Variants in GRIA3 observed in about 807,000 individuals in gnomAD.
The protein encoded by GRIA3 is glutamate receptor 3.
In GRIA3, 3 loss-of-function variants were observed where a neutral mutation model predicts 63.0. The ratio of observed to expected loss-of-function variants is 0.05; its 90% confidence interval spans 0.02 to 0.12. The LOEUF (loss-of-function observed/expected upper bound fraction) is 0.12. GRIA3 is among the 10% of genes least tolerant of loss of function. The pLI is 1.00. For missense variants in GRIA3, 347 were observed against 700.9 expected (o/e 0.50, Z 5.70); for synonymous variants, 274 against 257.9 (o/e 1.06, Z -0.60).
At chrX:123,271,702 T>C (rs1474810116) in intron 3 of GRIA3, among the ~76,000 whole-genome samples, 1 of 112,269 alleles carries the variant, frequency 8.9e-6, no homozygotes, top group Non-Finnish European at 1.9e-5. Context: ...TCATTTCCTT[T>C]AGTCGTCACA....
intron 3 of GRIA3, among the ~76,000 whole-genome samples, chrX:123,311,066 A>G (rs918599670): frequency 6.7e-4 from 75 of 111,166 alleles, no homozygotes; most frequent in African/African-American, 2.1e-3. Flanking sequence ...CTATTTATAC[A>G]ATCCTTATGG....
At chrX:123,191,932 C>T (rs771513313) in intron 2 of GRIA3, among the ~76,000 whole-genome samples, 8 of 111,406 alleles carry the variant, frequency 7.2e-5, no homozygotes, top group Admixed American at 3.8e-4. Flanking sequence ...GGGAAACATA[C>T]TGCCTCAATT....
intron 10 of GRIA3, among the ~76,000 whole-genome samples, chrX:123,416,852 A>G (rs2045539066): frequency 8.9e-6 from 1 of 112,636 alleles, no homozygotes; most frequent in African/African-American, 3.2e-5. Flanking sequence ...TCTGCCTTCA[A>G]AAAACCTGTT....
At chrX:123,483,714 C>T (rs1343727867) in intron 15 of GRIA3, among the ~76,000 whole-genome samples, 4 of 112,071 alleles carry the variant, frequency 3.6e-5, no homozygotes, top group Admixed American at 9.4e-5. Context: ...GGGTGGATCA[C>T]GCAGTCAGGA....
chrX:123,411,066 T>C (rs990593635), intron 10 of GRIA3, among the ~76,000 whole-genome samples: 5 of 111,650 alleles, frequency 4.5e-5, no homozygotes, highest in Non-Finnish European at 9.4e-5. Context: ...TCCCATAGAG[T>C]ACTGCCAATA....
chrX:123,198,207 A>G (rs1927625298), intron 2 of GRIA3, among the ~76,000 whole-genome samples: 1 of 112,120 alleles, frequency 8.9e-6, no homozygotes, highest in Non-Finnish European at 1.9e-5. Flanking sequence ...AATATATTAC[A>G]GTCTCTTACA....
In GRIA3 at chrX:123,336,980, T is replaced by C. The variant is rs2044978212; in HGVS notation, c.696+10767T>C. ...ACCTCATTTCTTAAGGGGGAGAAAA[T>C]GAATAAGGAAAGGAATGTGTGGTCA... On this transcript the variant is annotated intron_variant, in intron 4 of 15. Coordinates refer to ENST00000620443, the MANE Select transcript of GRIA3 (RefSeq NM_007325.5). Among the ~76,000 whole-genome samples, 6 of 111,190 alleles carry C rather than the reference T, an allele frequency of 5.4e-5. No homozygotes were observed. The Admixed American group carries it at 5.7e-4, about 11-fold the overall frequency.
chrX:123,329,368 A>G (rs1024978112), intron 4 of GRIA3, among the ~76,000 whole-genome samples: 2 of 112,277 alleles, frequency 1.8e-5, no homozygotes, highest in Middle Eastern at 4.6e-3. Flanking sequence ...AGTGTTATAT[A>G]GCATAACCTC....
chrX:123,244,505 T>G (rs1280387911), intron 2 of GRIA3, among the ~76,000 whole-genome samples: 1 of 112,818 alleles, frequency 8.9e-6, no homozygotes, highest in Non-Finnish European at 1.9e-5. Context: ...TCCACCCTTT[T>G]TAAGTTTCTA....
chrX:123,254,589 C>A (rs1569408391), intron 3 of GRIA3, among the ~76,000 whole-genome samples: 1 of 112,145 alleles, frequency 8.9e-6, no homozygotes, highest in Non-Finnish European at 1.9e-5. Flanking sequence ...TTCTAAGTAA[C>A]TTAACTTGAA....
chrX:123,367,440 G>C, intron 5 of GRIA3, among the ~76,000 whole-genome samples: 1 of 106,455 alleles, frequency 9.4e-6, no homozygotes, highest in South Asian at 4.0e-4. Flanking sequence ...TTTGTTTTTT[G>C]TTTTTTGTTT....
At chrX:123,402,909 G>C (rs1188488460) in intron 7 of GRIA3, 85 bp from the exon 8 acceptor site, 3 of 536,456 alleles carry the variant, frequency 5.6e-6, no homozygotes, top group Non-Finnish European at 1.0e-5. Flanking sequence ...AAGATTCCAA[G>C]ATCTGTCAGC....
chrX:123,441,355 T>C (rs1207175045), intron 12 of GRIA3, among the ~76,000 whole-genome samples: 1 of 111,714 alleles, frequency 9.0e-6, no homozygotes. Context: ...AATTAGTTTC[T>C]GAGAAAGAAA....
At chrX:123,418,051 T>C (rs2045545616) in intron 11 of GRIA3, 1 of 310,346 alleles carries the variant, frequency 3.2e-6, no homozygotes, top group African/African-American at 2.8e-5. Context: ...GCCACTAATA[T>C]TAATATTATT....
chrX:123,463,809 G>A (rs905032715), intron 12 of GRIA3, among the ~76,000 whole-genome samples: 1 of 107,894 alleles, frequency 9.3e-6, no homozygotes, highest in Non-Finnish European at 1.9e-5. Context: ...AAGAAAGAGA[G>A]AGAAAGAAAA....
rs752058204 is a variant in GRIA3 at position 123,365,188 on chromosome X, T to C, written c.750+10225T>C. ...ATCTAATCATTTCACATTGTATATG[T>C]ATATCAAAACATCACATTGTACCCC... On this transcript the variant is annotated intron_variant, in intron 5 of 15. Coordinates refer to ENST00000620443, the MANE Select transcript of GRIA3 (RefSeq NM_007325.5). 7.9e-4 allele frequency among the ~76,000 whole-genome samples: 88 copies of C among 111,924 alleles called. 2 individuals carry two copies. The South Asian group carries it at 0.029, about 37-fold the overall frequency.
intron 7 of GRIA3, 134 bp downstream of exon 7, chrX:123,398,937 G>A: frequency 2.0e-6 from 1 of 495,791 alleles, no homozygotes; most frequent in South Asian, 3.3e-5. Context: ...ATGCAAAGAG[G>A]ATAAGTATAG....
chrX:123,209,996 TGTTTGTTG>T (rs1339969812), intron 2 of GRIA3, among the ~76,000 whole-genome samples: 4 of 110,159 alleles, frequency 3.6e-5, no homozygotes, highest in East Asian at 5.7e-4. Context: ...TTTGTTTGTT[TGTTTGTTG>T]GTTGGTTTGT....
chrX:123,254,534 A>C (rs2044408957), intron 3 of GRIA3, among the ~76,000 whole-genome samples: 1 of 111,816 alleles, frequency 8.9e-6, no homozygotes, highest in Non-Finnish European at 1.9e-5. Flanking sequence ...CAGAAGGATT[A>C]AATGAAAGGC....
Sources: allele counts gnomAD v4.1 joint callset (sites outside exome capture counted in the v4.1 genomes callset), GRCh38; gene constraint gnomAD v4.1.1; transcripts MANE v1.5; gene names NCBI Gene and HGNC (gene_info 2026-07-23, HGNC 2026-07-21).